The following MSI2 variants were observed in gnomAD, a reference collection of about 807,000 sequenced individuals.
MSI2 encodes RNA-binding protein Musashi homolog 2.
Under a neutral mutation model 45.6 loss-of-function variants are expected in MSI2, and 17 were observed. That is an observed-to-expected ratio of 0.37 (90% CI 0.26 to 0.56). The LOEUF (loss-of-function observed/expected upper bound fraction) is 0.56, where lower values mean the gene tolerates loss of function less well. Among genes scored for constraint, MSI2 ranks in the 20% least tolerant of loss-of-function variants. The pLI is 0.77. For synonymous variants in MSI2, 156 were observed against 158.2 expected (o/e 0.99, Z 0.11); for missense variants, 293 against 444.2 (o/e 0.66, Z 3.06).
intron 11 of MSI2, among the ~76,000 whole-genome samples, chr17:57,672,410 C>G (rs1284574777): frequency 6.6e-6 from 1 of 152,186 alleles, no homozygotes. Flanking sequence ...GCCCTTTTGT[C>G]TTCTATCTAA....
intron 6 of MSI2, among the ~76,000 whole-genome samples, chr17:57,420,366 C>T (rs755433238): frequency 1.3e-5 from 2 of 152,210 alleles, no homozygotes; most frequent in African/African-American, 2.4e-5. Context: ...TGGTATTTAT[C>T]TCTCTTGTCC....
chr17:57,379,528 G>A (rs2083562437), intron 5 of MSI2, among the ~76,000 whole-genome samples: 1 of 150,180 alleles, frequency 6.7e-6, no homozygotes, highest in Non-Finnish European at 1.5e-5. Context: ...AGAAAAGCCA[G>A]GCCTGATACT....
chr17:57,383,335 C>G (rs1285452883), intron 5 of MSI2, among the ~76,000 whole-genome samples: 1 of 152,216 alleles, frequency 6.6e-6, no homozygotes, highest in Non-Finnish European at 1.5e-5. Context: ...TTTGGAACTA[C>G]TGACATTTAC....
At chr17:57,476,479 G>T (rs1329612526) in intron 6 of MSI2, among the ~76,000 whole-genome samples, 3 of 152,210 alleles carry the variant, frequency 2.0e-5, no homozygotes, top group Non-Finnish European at 2.9e-5. Flanking sequence ...TATTAGTTGG[G>T]TAGTGCTAGC....
chr17:57,675,150 C>A, intron 12 of MSI2, 24 bp downstream of exon 12: 1 of 1,596,956 alleles, frequency 6.3e-7, no homozygotes, highest in Non-Finnish European at 8.5e-7. Context: ...TTCCCCTGCC[C>A]TCCTGCCTCC....
chr17:57,291,736 A>G (rs945903457), intron 5 of MSI2, among the ~76,000 whole-genome samples: 9 of 152,124 alleles, frequency 5.9e-5, no homozygotes, highest in East Asian at 1.9e-4. Flanking sequence ...TGAGCTGTCA[A>G]TATACCCTGG....
At chr17:57,537,316 G>A (rs1465123926) in intron 7 of MSI2, among the ~76,000 whole-genome samples, 1 of 152,190 alleles carries the variant, frequency 6.6e-6, no homozygotes, top group Non-Finnish European at 1.5e-5. Context: ...CTGCCTTGCA[G>A]GGCTGTATCC....
At chr17:57,475,521 C>G (rs1253443751) in intron 6 of MSI2, among the ~76,000 whole-genome samples, 1 of 152,156 alleles carries the variant, frequency 6.6e-6, no homozygotes, top group East Asian at 1.9e-4. Context: ...ATGCATTTCT[C>G]ATTTCTGAAA....
Position 57,321,124 on chromosome 17 carries a change from A to G in MSI2, c.312+58932A>G, listed in dbSNP as rs184615680. 6.2e-4 allele frequency among the ~76,000 whole-genome samples: 95 copies of G among 152,020 alleles called. 1 individual carries two copies. The East Asian group carries it at 0.011, about 18-fold the overall frequency. On this transcript the variant is annotated intron_variant, in intron 5 of 13. Transcript: ENST00000284073. ...TGGATTTGGGGGCCTGGGATGGTCT[A>G]GCTTCTTCCCATGGACTCTGAGTAC...
rs1909302554 is a variant in MSI2 at position 57,280,275 on chromosome 17, G to T, written c.312+18083G>T. Among the ~76,000 whole-genome samples, 1 of 152,308 alleles carries T rather than the reference G, an allele frequency of 6.6e-6. No homozygotes were observed. Among genetic ancestry groups the T allele is most frequent in the African/African-American group, 2.4e-5 (1 of 41,554 alleles). On this transcript the variant is annotated intron_variant, in intron 5 of 13. Transcript: ENST00000284073. The surrounding 1 kb of genome is among the most constrained non-coding windows in gnomAD (Gnocchi z 4.2). ...AAGTTTAAGGGATGGGATGGGAAAT[G>T]ATCAGGTTTGCGTTTTGAAAATATC... is the stretch of plus-strand genomic sequence containing the variant.
chr17:57,392,232 T>C (rs948500915), intron 5 of MSI2, among the ~76,000 whole-genome samples: 5 of 152,216 alleles, frequency 3.3e-5, no homozygotes, highest in Admixed American at 6.5e-5. Flanking sequence ...AGGATATTAC[T>C]CTCTGATAGT....
At chr17:57,362,857 T>G (rs1916911030) in intron 5 of MSI2, among the ~76,000 whole-genome samples, 1 of 152,214 alleles carries the variant, frequency 6.6e-6, no homozygotes, top group African/African-American at 2.4e-5. Context: ...TGAATTATGA[T>G]TATAAAGTTT....
At chr17:57,270,460 A>T (rs1314317398) in intron 5 of MSI2, among the ~76,000 whole-genome samples, 1 of 152,218 alleles carries the variant, frequency 6.6e-6, no homozygotes, top group Non-Finnish European at 1.5e-5. Flanking sequence ...ACTTTGCCTG[A>T]TGGCTATAAA....
chr17:57,460,128 C>CAAAT (rs72396563), intron 6 of MSI2, among the ~76,000 whole-genome samples: 1,778 of 138,974 alleles, frequency 0.013, 20 homozygotes, highest in South Asian at 0.018. Context: ...AACTCTGTCT[C>CAAAT]AAATAAATAA....
intron 8 of MSI2, among the ~76,000 whole-genome samples, chr17:57,599,819 C>G (rs114032800): frequency 0.017 from 2,517 of 152,236 alleles, 59 homozygotes; most frequent in African/African-American, 0.058. Flanking sequence ...TCCAGTAAGA[C>G]AGGGCTGGTA....
At chr17:57,308,575 C>T (rs1912113985) in intron 5 of MSI2, among the ~76,000 whole-genome samples, 1 of 152,184 alleles carries the variant, frequency 6.6e-6, no homozygotes, top group Admixed American at 6.5e-5. Context: ...CCTGCTTTTC[C>T]CCTGACCTTG....
rs191385474 is a variant in MSI2 at position 57,318,831 on chromosome 17, C to G, written c.312+56639C>G. 2.4e-4 allele frequency among the ~76,000 whole-genome samples: 36 copies of G among 152,290 alleles called. No individual in the cohort carries two copies. The East Asian group carries it at 5.8e-3, about 24-fold the overall frequency. ...ATGCCTCGCTGCAGGAACATCTGTGCTCCTTAGGATTCCGTGGCTGATTTG... is the reference window on the plus strand; with the variant it reads ...ATGCCTCGCTGCAGGAACATCTGTGGTCCTTAGGATTCCGTGGCTGATTTG... On this transcript the variant is annotated intron_variant, in intron 5 of 13. Coordinates refer to ENST00000284073, the MANE Select transcript of MSI2 (RefSeq NM_138962.4).
At chr17:57,580,845 A>G (rs1336571280) in intron 7 of MSI2, among the ~76,000 whole-genome samples, 1 of 152,068 alleles carries the variant, frequency 6.6e-6, no homozygotes, top group East Asian at 1.9e-4. Flanking sequence ...GTCAACATTT[A>G]TTGATAGCTA....
At chr17:57,285,063 G>A (rs4794716) in intron 5 of MSI2, among the ~76,000 whole-genome samples, 3 of 151,696 alleles carry the variant, frequency 2.0e-5, no homozygotes, top group African/African-American at 7.3e-5. Context: ...GATTGGCGTC[G>A]GTTTCTTAGA....
Sources: allele counts gnomAD v4.1 joint callset (sites outside exome capture counted in the v4.1 genomes callset), GRCh38; gene constraint gnomAD v4.1.1; non-coding constraint Gnocchi (gnomAD v3.1); transcripts MANE v1.5; gene names NCBI Gene and HGNC (gene_info 2026-07-23, HGNC 2026-07-21).